YEATS2: variants seen among roughly 807,000 people sequenced by gnomAD.
The protein encoded by YEATS2 is YEATS domain containing 2, also known as YEATS domain-containing protein 2.
Under a neutral mutation model 163.2 loss-of-function variants are expected in YEATS2, and 77 were observed. That is an observed-to-expected ratio of 0.47 (90% CI 0.39 to 0.57). The LOEUF is 0.57. YEATS2 is among the 20% of genes least tolerant of loss of function. YEATS2 has a pLI of 0.00. For synonymous variants in YEATS2, 631 were observed against 645.1 expected, an observed-to-expected ratio of 0.98 and a Z score of 0.33; for missense variants, 1,549 against 1,729.8, an observed-to-expected ratio of 0.90 and a Z score of 1.85.
intron 21 of YEATS2, among the ~76,000 whole-genome samples, chr3:183,791,734 T>G (rs191659625): frequency 7.5e-4 from 115 of 152,364 alleles, no homozygotes; most frequent in African/African-American, 2.5e-3. Context: ...TCATAATTTT[T>G]AACATTAGTT....
chr3:183,705,467 G>GTATA (rs2108975009), intron 1 of YEATS2, among the ~76,000 whole-genome samples: 1 of 152,242 alleles, frequency 6.6e-6, no homozygotes, highest in South Asian at 2.1e-4. Context: ...ATTGTTGGAT[G>GTATA]TATAGTTTAA....
rs1403693019 is a variant in YEATS2 at position 183,801,444 on chromosome 3, ATCTC to A, written c.3429-6_3429-3del. On this transcript the variant is annotated splice_region_variant and splice_polypyrimidine_tract_variant and intron_variant, in intron 24 of 30. Coordinates refer to ENST00000305135, the MANE Select transcript of YEATS2 (RefSeq NM_018023.5). ...TAATTTATTGCCTTAATTTTTTTTT[ATCTC>A]TCTCAGGATAGACCATTTAGAAACT... The A allele has an allele frequency of 6.3e-7, 1 of 1,590,562 alleles. No homozygotes were observed. Among genetic ancestry groups the A allele is most frequent in the African/African-American group, 1.4e-5 (1 of 73,774 alleles).
At chr3:183,808,293 T>G in intron 29 of YEATS2, 189 bp downstream of exon 29, 1 of 575,370 alleles carries the variant, frequency 1.7e-6, no homozygotes, top group Admixed American at 3.2e-5. Flanking sequence ...TAAGTTATGT[T>G]TCCTCTGAGT....
intron 8 of YEATS2, among the ~76,000 whole-genome samples, chr3:183,738,173 T>G (rs1269492254): frequency 6.6e-6 from 1 of 152,042 alleles, no homozygotes; most frequent in Non-Finnish European, 1.5e-5. Flanking sequence ...TTTGGGGCCT[T>G]CCTATCCTCT....
chr3:183,804,829 A>G (rs1316001472), intron 27 of YEATS2, among the ~76,000 whole-genome samples: 1 of 152,050 alleles, frequency 6.6e-6, no homozygotes, highest in South Asian at 2.1e-4. Flanking sequence ...CTACTAAAAA[A>G]ACAAAAAAAT....
At chr3:183,779,740 C>A (rs922397749) in intron 19 of YEATS2, among the ~76,000 whole-genome samples, 1 of 151,970 alleles carries the variant, frequency 6.6e-6, no homozygotes, top group Admixed American at 6.5e-5. Context: ...GCTCTGTCGC[C>A]AGGCTGGAGT....
At chr3:183,723,894 A>G (rs1437070398) in intron 5 of YEATS2, among the ~76,000 whole-genome samples, 1 of 152,206 alleles carries the variant, frequency 6.6e-6, no homozygotes, top group Non-Finnish European at 1.5e-5. Context: ...CCTGGTTGAC[A>G]GAGCGAGATT....
At chr3:183,807,411 C>T (rs1726328379) in intron 28 of YEATS2, 24 of 330,946 alleles carry the variant, frequency 7.3e-5, no homozygotes, top group South Asian at 6.7e-4. Context: ...TTTTTCTCAT[C>T]TGCCTCAGTA....
intron 13 of YEATS2, 48 bp downstream of exon 13, chr3:183,759,013 T>C: frequency 7.7e-7 from 1 of 1,296,782 alleles, no homozygotes; most frequent in South Asian, 1.4e-5. Context: ...CTTTTTCTTT[T>C]CATTTTTAAA....
At chr3:183,805,975 A>C (rs1047698868) in intron 27 of YEATS2, among the ~76,000 whole-genome samples, 1 of 151,968 alleles carries the variant, frequency 6.6e-6, no homozygotes, top group Non-Finnish European at 1.5e-5. Context: ...CTTCACTGAC[A>C]TTGTGTGGAA....
intron 8 of YEATS2, among the ~76,000 whole-genome samples, chr3:183,739,432 A>AACC (rs1162832614): frequency 3.0e-5 from 3 of 99,124 alleles, no homozygotes; most frequent in African/African-American, 1.2e-4. Context: ...GAGAACTACA[A>AACC]ACCACTGCTC....
chr3:183,771,542 C>CTTTTTTTTTTTTTTTTTTTTTTTT (rs1722462151), intron 15 of YEATS2, among the ~76,000 whole-genome samples: 2 of 60,812 alleles, frequency 3.3e-5, no homozygotes, highest in African/African-American at 9.7e-5. Context: ...ATTATTCTTG[C>CTTTTTTTTTTTTTTTTTTTTTTTT]CTTTTTTTTT....
rs766853438 is a variant in YEATS2, at chr3:183,758,903, C to G, written c.1594C>G (p.Gln532Glu). ...NKISTASQVS[Q>E]GTGSPVPKIH... ...GATCTCCACGGCTTCTCAGGTCTCC[C>G]AAGGAACAGGTTCCCCTGTTCCTAA... is the stretch of plus-strand genomic sequence containing the variant. Residue 532 changes from glutamine (Q) to glutamate (E), a missense_variant, in exon 13 of 31, where the codon CAA becomes GAA. Transcript: ENST00000305135. The G allele has an allele frequency of 6.3e-7, 1 of 1,597,116 alleles. No individual in the cohort carries two copies. The highest frequency in any genetic ancestry group is 8.5e-7 in the Non-Finnish European group (1 of 1,174,826).
chr3:183,788,007 A>AAT (rs935793597), intron 20 of YEATS2, among the ~76,000 whole-genome samples: 1 of 152,128 alleles, frequency 6.6e-6, no homozygotes, highest in Admixed American at 6.6e-5. Context: ...CATCTCAAAA[A>AAT]ATATATATAA....
At chr3:183,810,394 C>A in intron 30 of YEATS2, 81 bp from the exon 31 acceptor site, 1 of 1,305,210 alleles carries the variant, frequency 7.7e-7, no homozygotes, top group East Asian at 2.5e-5. Context: ...TGGGATGGTC[C>A]CTGTGATGAG....
Position 183,717,615 on chromosome 3 carries a change from A to G in YEATS2, c.101-36A>G, listed in dbSNP as rs140011005. On this transcript the variant is annotated intron_variant, in intron 2 of 30. Coordinates refer to ENST00000305135, the MANE Select transcript of YEATS2 (RefSeq NM_018023.5). ...CTTAAATAAAGACAGTCACTGATTA[A>G]TTAGGCCTTGGATGTATTTTATGTT... 329 of 1,431,376 alleles carry G rather than the reference A, an allele frequency of 2.3e-4. 1 individual carries two copies. The African/African-American group carries it at 4.4e-3, about 19-fold the overall frequency. The allele number at this position is 1,431,376 out of a possible 1,614,324, so 88.7% of individuals were successfully genotyped here.
rs763941099 is a variant in YEATS2, at chr3:183,762,181, A to T, written c.1849A>T (p.Thr617Ser). 3.7e-6 allele frequency: 6 copies of T among 1,614,158 alleles called. No individual in the cohort carries two copies. The highest frequency in any genetic ancestry group is 5.1e-6 in the Non-Finnish European group (6 of 1,180,038). The change falls in exon 15 of 31, where the codon ACT (threonine) becomes TCT (serine). Residue 617 changes from threonine to serine, a missense_variant. Physicochemically the swap from Thr to Ser is moderately conservative, Grantham distance 58. Coordinates refer to ENST00000305135, the MANE Select transcript of YEATS2 (RefSeq NM_018023.5). The part of the protein sequence containing the change: ...ASQSPLPQYV[T>S]VKGGHMIAVS... Reference sequence around the variant, plus strand: ...CCAGTCACCACTCCCGCAGTATGTGACTGTGAAAGGGGGTCACATGATAGC... The same window carrying T: ...CCAGTCACCACTCCCGCAGTATGTGTCTGTGAAAGGGGGTCACATGATAGC...
At chr3:183,707,031 G>A (rs1262889681) in intron 1 of YEATS2, among the ~76,000 whole-genome samples, 1 of 152,184 alleles carries the variant, frequency 6.6e-6, no homozygotes. Flanking sequence ...CTGTGTGTAA[G>A]ATATTTATGA....
chr3:183,747,441 AG>A (rs1366143824), intron 8 of YEATS2, among the ~76,000 whole-genome samples: 2 of 152,088 alleles, frequency 1.3e-5, no homozygotes, highest in Non-Finnish European at 2.9e-5. Context: ...TCCTTAGAAT[AG>A]GTTTTTTAAA....
Sources: gnomAD v4.1 joint callset for allele counts (sites outside exome capture counted in the v4.1 genomes callset) on GRCh38, gnomAD v4.1.1 for gene constraint, MANE v1.5 for transcripts, NCBI Gene and HGNC (gene_info 2026-07-23, HGNC 2026-07-21) for gene names.